The following UBR3 variants were observed in gnomAD, a reference collection of about 807,000 sequenced individuals.
UBR3 encodes E3 ubiquitin-protein ligase UBR3.
UBR3 carries 85 observed loss-of-function variants against 243.2 expected under a neutral mutation model. That is an observed-to-expected ratio of 0.35 (90% CI 0.29 to 0.42). UBR3 has a LOEUF of 0.42. Ranked by LOEUF, UBR3 falls within the 10% of genes least tolerant of loss-of-function variation. UBR3 has a pLI of 1.00. For missense variants in UBR3, 1,686 were observed against 2,300.8 expected, an observed-to-expected ratio of 0.73 and a Z score of 5.47; for synonymous variants, 748 against 799.8, an observed-to-expected ratio of 0.94 and a Z score of 1.09.
intron 1 of UBR3, among the ~76,000 whole-genome samples, chr2:169,830,611 T>C (rs1353970737): frequency 7.9e-5 from 12 of 151,984 alleles, no homozygotes; most frequent in Admixed American, 6.6e-4. Flanking sequence ...CCCTACTAAA[T>C]AGCATTCTTA....
In UBR3 at chr2:169,878,555, A is replaced by G; in HGVS notation, c.1019A>G (p.Gln340Arg). The G allele has an allele frequency of 1.3e-6, 2 of 1,551,330 alleles. No individual in the cohort carries two copies. The highest frequency in any genetic ancestry group is 1.7e-6 in the Non-Finnish European group (2 of 1,146,700). Residue 340 changes from glutamine (Q) to arginine (R), a missense_variant, in exon 5 of 39, where the codon CAA (glutamine) becomes CGA (arginine). This residue lies in a region of UBR3 where 200 missense variants were observed against 231.6 expected (regional missense o/e 0.86). Coordinates refer to ENST00000272793, the MANE Select transcript of UBR3 (RefSeq NM_172070.4). ...ATAGGCGCAACAGGAACTTTGGGACAAGTGGATTCTTCAGATGAGGTGAGA... is the reference window on the plus strand; with the variant it reads ...ATAGGCGCAACAGGAACTTTGGGACGAGTGGATTCTTCAGATGAGGTGAGA... ...GFIGATGTLGQVDSSDEDDQD... is the reference protein window; with the variant it reads ...GFIGATGTLGRVDSSDEDDQD...
intron 1 of UBR3, among the ~76,000 whole-genome samples, chr2:169,836,228 C>T (rs1293275071): frequency 2.0e-5 from 3 of 150,484 alleles, no homozygotes; most frequent in Non-Finnish European, 3.0e-5. Context: ...GGATTACAGG[C>T]GGCCGCCACC....
chr2:169,890,730 A>G (rs2084345674), intron 5 of UBR3, among the ~76,000 whole-genome samples: 1 of 148,516 alleles, frequency 6.7e-6, no homozygotes, highest in Admixed American at 6.8e-5. Context: ...ATTTTTCAAA[A>G]TTTGATTTGT....
intron 24 of UBR3, among the ~76,000 whole-genome samples, chr2:169,966,340 T>G (rs1024286626): frequency 6.6e-5 from 10 of 152,198 alleles, no homozygotes; most frequent in African/African-American, 2.4e-4. Context: ...AAGAATTTAT[T>G]TGGGAATTAC....
At chr2:169,905,037 A>G (rs987207172) in intron 8 of UBR3, 77 bp from the exon 9 acceptor site, 33 of 1,242,160 alleles carry the variant, frequency 2.7e-5, no homozygotes, top group South Asian at 2.6e-4. Flanking sequence ...ATTCTAAAGT[A>G]TATATATTCT....
chr2:169,873,935 G>A (rs1264321473), intron 2 of UBR3, among the ~76,000 whole-genome samples: 1 of 152,090 alleles, frequency 6.6e-6, no homozygotes, highest in African/African-American at 2.4e-5. Context: ...TTAGTTTAAT[G>A]AAAGAGTACT....
In UBR3 at chr2:169,836,065, A is replaced by ATTTTTTTTTTT. The variant is rs1558999105; in HGVS notation, c.545+8014_545+8015insTTTTTTTTTTT. On this transcript the variant is annotated intron_variant, in intron 1 of 38. Coordinates refer to ENST00000272793, the MANE Select transcript of UBR3 (RefSeq NM_172070.4). ...TCTCTATATATATATATATATATAT[A>ATTTTTTTTTTT]TATTTTTTTTTTTTTTTTTTTTTTT... 3.2e-4 allele frequency among the ~76,000 whole-genome samples: 9 copies of ATTTTTTTTTTT among 27,938 alleles called. 2 individuals carry two copies. The highest frequency in any genetic ancestry group is 5.9e-4 in the Non-Finnish European group (9 of 15,310). The allele number at this position is 27,938 out of a possible 152,430, so 18.3% of individuals were successfully genotyped here.
intron 1 of UBR3, among the ~76,000 whole-genome samples, chr2:169,839,859 T>TC: frequency 6.6e-6 from 1 of 152,258 alleles, no homozygotes. Flanking sequence ...GGGGGTTGGG[T>TC]CCCCAAGGTG....
At chr2:170,010,871 A>G (rs1394591281) in intron 29 of UBR3, among the ~76,000 whole-genome samples, 3 of 151,258 alleles carry the variant, frequency 2.0e-5, no homozygotes, top group Non-Finnish European at 4.4e-5. Flanking sequence ...TAGTCATTAC[A>G]AAGAAAACAA....
intron 1 of UBR3, among the ~76,000 whole-genome samples, chr2:169,849,297 A>T (rs1435817717): frequency 1.3e-5 from 2 of 152,266 alleles, no homozygotes; most frequent in Non-Finnish European, 2.9e-5. Flanking sequence ...TCAATAACTA[A>T]CATATAGGAA....
intron 1 of UBR3, among the ~76,000 whole-genome samples, chr2:169,868,455 T>A (rs1438319695): frequency 2.0e-5 from 3 of 152,214 alleles, no homozygotes; most frequent in Admixed American, 1.3e-4. Context: ...GTGATTCTTG[T>A]GCACACCACC....
chr2:169,878,567 C>T lies in UBR3; in HGVS notation c.1031C>T (p.Ser344Leu), dbSNP rs1235635674. ...GGAACTTTGGGACAAGTGGATTCTT[C>T]AGATGAGGTGAGATTTAAAGTTCAA... is the stretch of plus-strand genomic sequence containing the variant. Reference protein sequence around the residue: ...ATGTLGQVDSSDEDDQDGSQG... With the variant: ...ATGTLGQVDSLDEDDQDGSQG... The change falls in exon 5 of 39, where the codon TCA (serine) becomes TTA (leucine). Residue 344 changes from serine to leucine, a missense_variant. Transcript: ENST00000272793. 6.4e-7 allele frequency: 1 copy of T among 1,550,562 alleles called. No individual in the cohort carries two copies. The highest frequency in any genetic ancestry group is 1.4e-5 in the African/African-American group (1 of 73,040).
At chr2:169,901,189 CATATT>C (rs1477105234) in intron 8 of UBR3, among the ~76,000 whole-genome samples, 10 of 152,252 alleles carry the variant, frequency 6.6e-5, no homozygotes, top group Middle Eastern at 3.4e-3. Context: ...TTTCTGAAAT[CATATT>C]ATATGGTATC....
Position 169,958,427 on chromosome 2 carries a change from G to C in UBR3, c.3546-11G>C. 6.2e-7 allele frequency: 1 copy of C among 1,611,412 alleles called. No individual in the cohort carries two copies. The highest frequency in any genetic ancestry group is 1.1e-5 in the South Asian group (1 of 90,796). ...ATCTGATACTTAAAACTTTATTTCT[G>C]TTTAATCTAGGCGACAGAAGGCTAG... On this transcript the variant is annotated splice_polypyrimidine_tract_variant and intron_variant, in intron 23 of 38. Transcript: ENST00000272793.
intron 23 of UBR3, 121 bp from the exon 24 acceptor site, chr2:169,958,317 C>T: frequency 1.4e-6 from 1 of 720,586 alleles, no homozygotes. Flanking sequence ...ATACATAATA[C>T]AGAAAATAGA....
Position 169,994,412 on chromosome 2 carries a change from G to A in UBR3, c.3874G>A (p.Val1292Ile), listed in dbSNP as rs369166695. 29 of 1,614,008 alleles carry A rather than the reference G, an allele frequency of 1.8e-5. No individual in the cohort carries two copies. The highest frequency in any genetic ancestry group is 8.0e-5 in the African/African-American group (6 of 74,918). The stretch of plus-strand genomic sequence containing the variant: ...TTACCCTTGGGATACCTGTGCAGCC[G>A]TTCATGATGTGAGGCTTTCATTATT... ...QIYPWDTCAA[V>I]HDVRLSLLQR... Residue 1292 changes from valine to isoleucine, a missense_variant, in exon 26 of 39, where the codon GTT becomes ATT. Physicochemically the swap from Val to Ile is conservative, Grantham distance 29 (BLOSUM62 3). Around this residue, in one of 8 missense-constraint regions of UBR3, gnomAD observed 156 missense variants for 246.3 expected, o/e 0.63. Transcript: ENST00000272793.
At chr2:170,034,922 C>T (rs761680242) in intron 31 of UBR3, among the ~76,000 whole-genome samples, 10 of 150,940 alleles carry the variant, frequency 6.6e-5, no homozygotes, top group South Asian at 2.1e-4. Context: ...TGATGACATA[C>T]GGTCTGGAGC....
At chr2:169,923,833 T>C (rs893098783) in intron 11 of UBR3, 96 bp from the exon 12 acceptor site, 8 of 1,018,852 alleles carry the variant, frequency 7.9e-6, no homozygotes, top group Admixed American at 6.7e-5. Flanking sequence ...AGTATAGGAA[T>C]AAATCCAGGT....
intron 31 of UBR3, among the ~76,000 whole-genome samples, chr2:170,037,759 T>C (rs559508667): frequency 2.3e-4 from 35 of 152,358 alleles, no homozygotes; most frequent in African/African-American, 8.2e-4. Flanking sequence ...CTTTATAATA[T>C]GCAGTTTCCT....
Sources: gnomAD v4.1 joint callset for allele counts (sites outside exome capture counted in the v4.1 genomes callset) on GRCh38, gnomAD v4.1.1 for gene constraint, gnomAD v4.1.1 regional missense constraint, MANE v1.5 for transcripts, NCBI Gene and HGNC (gene_info 2026-07-23, HGNC 2026-07-21) for gene names.